PCDHGB2: variants seen among roughly 807,000 people sequenced by gnomAD.
The protein encoded by PCDHGB2 is protocadherin gamma subfamily B, 2, also known as protocadherin gamma-B2.
Under a neutral mutation model 59.3 loss-of-function variants are expected in PCDHGB2, and 55 were observed. That is an observed-to-expected ratio of 0.93 (90% confidence interval 0.75 to 1.16). The LOEUF is 1.16. PCDHGB2 is among the 50% of genes most tolerant of loss of function. PCDHGB2 has a pLI of 0.00. For synonymous variants in PCDHGB2, 516 were observed against 512.0 expected (o/e 1.01, Z -0.11); for missense variants, 1,228 against 1,198.5 (o/e 1.02, Z -0.36).
At chr5:141,430,829 T>A (rs763916884) in intron 1 of PCDHGB2, 1 of 1,554,558 alleles carries the variant, frequency 6.4e-7, no homozygotes, top group Non-Finnish European at 8.7e-7. Context: ...GGGGACTCTG[T>A]GGGAGACCGG....
rs773014837 is a variant in PCDHGB2 at position 141,374,968 on chromosome 5, T to G, written c.2421+12412T>G. 114 of 1,614,056 alleles carry G rather than the reference T, an allele frequency of 7.1e-5. No individual in the cohort carries two copies. The highest frequency in any genetic ancestry group is 3.3e-4 in the Middle Eastern group (2 of 6,062). On this transcript the variant is annotated intron_variant, in intron 1 of 3. Transcript: ENST00000522605. ...AGATCTCACAAATTTTCTGTTTGAA[T>G]GTTTTGACTGGAGAAATTTCAACTT... is the stretch of plus-strand genomic sequence containing the variant.
rs1430260899 is a variant in PCDHGB2, at chr5:141,415,763, T to G, written c.2421+53207T>G. On this transcript the variant is annotated intron_variant, in intron 1 of 3. Transcript: ENST00000522605. ...AGGTTTTTTTTTTTTTTTTTTTTTT[T>G]TTTTTTTTTACTTTCTGGTAAAATT... is the stretch of plus-strand genomic sequence containing the variant. The G allele has an allele frequency of 1.1e-5, 15 of 1,398,354 alleles. No homozygotes were observed. The African/African-American group carries it at 2.1e-4, about 19-fold the overall frequency. 86.6% of individuals were successfully genotyped at this position (1,398,354 alleles called of 1,614,324 possible). A position where few individuals can be genotyped will look rare whatever the true frequency, so the allele number is the denominator to read the frequency against.
At chr5:141,384,656 A>G in intron 1 of PCDHGB2, 1 of 1,614,192 alleles carries the variant, frequency 6.2e-7, no homozygotes, top group Non-Finnish European at 8.5e-7. Flanking sequence ...GAGCCCGGCT[A>G]CCTGGTGACC....
At chr5:141,399,662 C>G (rs759226157) in intron 1 of PCDHGB2, 1 of 1,613,666 alleles carries the variant, frequency 6.2e-7, no homozygotes, top group South Asian at 1.1e-5. Context: ...GTGGTGTTCG[C>G]GCAGCGCGCC....
intron 1 of PCDHGB2, among the ~76,000 whole-genome samples, chr5:141,439,259 G>A (rs1172204848): frequency 6.6e-6 from 1 of 151,900 alleles, no homozygotes; most frequent in African/African-American, 2.4e-5. Context: ...TGAAGATTCA[G>A]CCAACAGTTC....
At chr5:141,447,861 G>A (rs2098553733) in intron 1 of PCDHGB2, among the ~76,000 whole-genome samples, 1 of 152,120 alleles carries the variant, frequency 6.6e-6, no homozygotes, top group Non-Finnish European at 1.5e-5. Flanking sequence ...CGAGGTGGGT[G>A]AATCATCTGA....
rs373297942 is a variant in PCDHGB2, at chr5:141,431,494, C to T, written c.2422-63313C>T. On this transcript the variant is annotated intron_variant, in intron 1 of 3. Coordinates refer to ENST00000522605, the MANE Select transcript of PCDHGB2 (RefSeq NM_018923.3). This position sits in a 1 kb window ranked among gnomAD's most constrained non-coding sequence, Gnocchi z 4.8. ...ACAACGCACCAGCGTTTGCTCAGCC[C>T]GAGTACCGCGCGAGCGTTCCGGAGA... 107 of 1,613,838 alleles carry T rather than the reference C, an allele frequency of 6.6e-5. No homozygotes were observed. Among genetic ancestry groups the T allele is most frequent in the Middle Eastern group, 1.6e-4 (1 of 6,084 alleles).
chr5:141,405,339 A>T (rs980651625), intron 1 of PCDHGB2: 12 of 1,614,060 alleles, frequency 7.4e-6, no homozygotes, highest in Non-Finnish European at 1.0e-5. Context: ...GTCTCTGTTG[A>T]TTCCAAGTTT....
At position 141,486,493 on chromosome 5, in the gene PCDHGB2, T is replaced by C. The variant is rs761905572; in HGVS notation, c.2422-8314T>C. The C allele has an allele frequency of 1.2e-6, 2 of 1,614,136 alleles. No homozygotes were observed. The highest frequency in any genetic ancestry group is 1.7e-6 in the Non-Finnish European group (2 of 1,179,960). Reference sequence around the variant, plus strand: ...ACCCTCCTCTCAGTACCCACAGAACTATTTTCCTCAATATTTCAGATGTGA... The same window carrying C: ...ACCCTCCTCTCAGTACCCACAGAACCATTTTCCTCAATATTTCAGATGTGA... On this transcript the variant is annotated intron_variant, in intron 1 of 3. Transcript: ENST00000522605. The surrounding 1 kb of genome is among the most constrained non-coding windows in gnomAD (Gnocchi z 5.0).
In PCDHGB2 at chr5:141,477,868, C is replaced by T. The variant is rs1450078298; in HGVS notation, c.2422-16939C>T. 2 of 1,613,750 alleles carry T rather than the reference C, an allele frequency of 1.2e-6. No individual in the cohort carries two copies. Among genetic ancestry groups the T allele is most frequent in the Admixed American group, 3.3e-5 (2 of 59,988 alleles). On this transcript the variant is annotated intron_variant, in intron 1 of 3. Coordinates refer to ENST00000522605, the MANE Select transcript of PCDHGB2 (RefSeq NM_018923.3). This position sits in a 1 kb window ranked among gnomAD's most constrained non-coding sequence, Gnocchi z 4.9. ...CGGTGGAGATGCTGCCTCGAGGTAC[C>T]TCAGCTGGCCACCTAGTGTCACGGG...
chr5:141,496,993 C>G (rs981547671), intron 2 of PCDHGB2, among the ~76,000 whole-genome samples: 1 of 151,910 alleles, frequency 6.6e-6, no homozygotes, highest in South Asian at 2.1e-4. Flanking sequence ...TGAGACCAGC[C>G]TGGCAGCCAA....
chr5:141,455,159 G>GTT (rs1390145608), intron 1 of PCDHGB2, among the ~76,000 whole-genome samples: 4 of 144,860 alleles, frequency 2.8e-5, no homozygotes, highest in African/African-American at 7.8e-5. Context: ...TTAGTTTGTT[G>GTT]GTTTTTTTTT....
chr5:141,486,706 C>T lies in PCDHGB2; in HGVS notation c.2422-8101C>T. 1.2e-6 allele frequency: 2 copies of T among 1,614,154 alleles called. No homozygotes were observed. Among genetic ancestry groups the T allele is most frequent in the Admixed American group, 1.7e-5 (1 of 60,020 alleles). On this transcript the variant is annotated intron_variant, in intron 1 of 3. Transcript: ENST00000522605. This position sits in a 1 kb window ranked among gnomAD's most constrained non-coding sequence, Gnocchi z 5.0. ...CAGCTTCCTCTTTCATCTCTCTGAACCCCCAGACAGGAGCTGTTCATGCTA... is the reference window on the plus strand; with the variant it reads ...CAGCTTCCTCTTTCATCTCTCTGAATCCCCAGACAGGAGCTGTTCATGCTA...
Position 141,427,760 on chromosome 5 carries a change from T to C in PCDHGB2, c.2421+65204T>C, listed in dbSNP as rs1464459008. On this transcript the variant is annotated intron_variant, in intron 1 of 3. Coordinates refer to ENST00000522605, the MANE Select transcript of PCDHGB2 (RefSeq NM_018923.3). The stretch of plus-strand genomic sequence containing the variant: ...AAGTCTCCTACTCCATCGTTACCAC[T>C]GACTTGGAGCTGCGGGCACTGTCGT... The C allele has an allele frequency of 4.4e-6, 6 of 1,360,822 alleles. No individual in the cohort carries two copies. The Admixed American group carries it at 5.1e-5, about 12-fold the overall frequency. 84.3% of individuals were successfully genotyped at this position (1,360,822 alleles called of 1,614,324 possible).
chr5:141,417,141 C>T (rs1455831459), intron 1 of PCDHGB2: 1 of 152,018 alleles, frequency 6.6e-6, no homozygotes, highest in Non-Finnish European at 1.5e-5. Context: ...ATGACTAGGG[C>T]AATGGTTGCA....
At position 141,360,280 on chromosome 5, in the gene PCDHGB2, A is replaced by T. The variant is rs1761513313; in HGVS notation, c.145A>T (p.Asn49Tyr). The change falls in exon 1 of 4, where the codon AAC (asparagine) becomes TAC (tyrosine). Residue 49 changes from asparagine (N) to tyrosine (Y), a missense_variant. Around this residue, in one of 3 missense-constraint regions of PCDHGB2, gnomAD observed 781 missense variants for 721.6 expected, o/e 1.08. Coordinates refer to ENST00000522605, the MANE Select transcript of PCDHGB2 (RefSeq NM_018923.3). ...GCTGGCCAAAAACTCGGTCGTAGGA[A>T]ACCTCGCCAAGGATCTGGGGCTCAG... Reference protein sequence around the residue: ...EELAKNSVVGNLAKDLGLSVR... With the variant: ...EELAKNSVVGYLAKDLGLSVR... The T allele has an allele frequency of 6.2e-7, 1 of 1,613,856 alleles. No homozygotes were observed. The highest frequency in any genetic ancestry group is 1.3e-5 in the African/African-American group (1 of 74,896).
In PCDHGB2 at chr5:141,503,993, C is replaced by T. The variant is rs376134059; in HGVS notation, c.2481-1400C>T. Reference sequence around the variant, plus strand: ...GTGCCAAACCCTTCTTCTTACCTTACAGTCACTTAACTGTCTCTGCTGGTC... The same window carrying T: ...GTGCCAAACCCTTCTTCTTACCTTATAGTCACTTAACTGTCTCTGCTGGTC... On this transcript the variant is annotated intron_variant, in intron 2 of 3. Transcript: ENST00000522605. Among the ~76,000 whole-genome samples, 13 of 152,312 alleles carry T rather than the reference C, an allele frequency of 8.5e-5. 1 individual carries two copies. In the East Asian group the frequency reaches 1.7e-3, roughly 20 times the overall value.
At chr5:141,420,006 GAC>G (rs745722189) in intron 1 of PCDHGB2, 1 of 1,613,936 alleles carries the variant, frequency 6.2e-7, no homozygotes, top group African/African-American at 1.3e-5. Flanking sequence ...CTACGCCTGC[GAC>G]AGTCTTTCAG....
At position 141,382,695 on chromosome 5, in the gene PCDHGB2, G is replaced by A. The variant is rs76993444; in HGVS notation, c.2421+20139G>A. ...TTCACCAACCAGGGAAAAATGGTGCGAGAGATCCCACAGAAACCACCGAGT... is the reference window on the plus strand; with the variant it reads ...TTCACCAACCAGGGAAAAATGGTGCAAGAGATCCCACAGAAACCACCGAGT... On this transcript the variant is annotated intron_variant, in intron 1 of 3. Coordinates refer to ENST00000522605, the MANE Select transcript of PCDHGB2 (RefSeq NM_018923.3). 1.1e-3 allele frequency: 486 copies of A among 451,892 alleles called. 2 individuals carry two copies. The highest frequency in any genetic ancestry group is 9.0e-3 in the African/African-American group (451 of 50,190). The allele number at this position is 451,892 out of a possible 1,614,324, so 28.0% of individuals were successfully genotyped here.
Sources: allele counts gnomAD v4.1 joint callset (sites outside exome capture counted in the v4.1 genomes callset), GRCh38; gene constraint gnomAD v4.1.1; regional missense constraint gnomAD v4.1.1; non-coding constraint Gnocchi (gnomAD v3.1); transcripts MANE v1.5; gene names NCBI Gene and HGNC (gene_info 2026-07-23, HGNC 2026-07-21).